The following ARHGAP6 variants were observed in gnomAD, a reference collection of about 807,000 sequenced individuals.
The protein encoded by ARHGAP6 is Rho GTPase activating protein 6, also known as rho GTPase-activating protein 6.
Under a neutral mutation model 55.7 loss-of-function variants are expected in ARHGAP6, and 16 were observed. The observed-to-expected ratio is 0.29, with a 90% CI of 0.19 to 0.44. The LOEUF (loss-of-function observed/expected upper bound fraction) is 0.44. Ranked by LOEUF, ARHGAP6 falls within the 20% of genes least tolerant of loss-of-function variation. The pLI, the probability that ARHGAP6 is intolerant of heterozygous loss-of-function variation, is 1.00. For synonymous variants in ARHGAP6, 382 were observed against 360.9 expected (o/e 1.06, Z -0.66); for missense variants, 698 against 808.9 (o/e 0.86, Z 1.66).
intron 1 of ARHGAP6, among the ~76,000 whole-genome samples, chrX:11,381,348 G>GTATTTAAGTA (rs1569322072): frequency 9.8e-5 from 11 of 112,288 alleles, no homozygotes; most frequent in African/African-American, 3.2e-4. Context: ...TTAAAATCTA[G>GTATTTAAGTA]TTCCATGGCT....
chrX:11,276,642 GCCATCTGCACTTAC>G (rs2047772595), intron 1 of ARHGAP6, among the ~76,000 whole-genome samples: 1 of 111,570 alleles, frequency 9.0e-6, no homozygotes. Context: ...GTGAAAACAA[GCCATCTGCACTTAC>G]TGGTTCACAT....
chrX:11,380,324 CA>C (rs1375777831), intron 1 of ARHGAP6, among the ~76,000 whole-genome samples: 1 of 111,810 alleles, frequency 8.9e-6, no homozygotes, highest in Non-Finnish European at 1.9e-5. Flanking sequence ...CCTAGATTTT[CA>C]GCTGGGTGTG....
chrX:11,647,919 A>G (rs1345740738), intron 1 of ARHGAP6, among the ~76,000 whole-genome samples: 1 of 112,256 alleles, frequency 8.9e-6, no homozygotes, highest in East Asian at 2.8e-4. Context: ...AGATTGGAGG[A>G]GACCAAGAAG....
At chrX:11,457,520 A>T (rs750873866) in intron 1 of ARHGAP6, among the ~76,000 whole-genome samples, 6 of 111,802 alleles carry the variant, frequency 5.4e-5, no homozygotes, top group Admixed American at 2.8e-4. Flanking sequence ...TTCACTAAAC[A>T]AATATTTTTG....
chrX:11,635,504 A>G (rs1177188398), intron 1 of ARHGAP6, among the ~76,000 whole-genome samples: 2 of 111,712 alleles, frequency 1.8e-5, no homozygotes, highest in Non-Finnish European at 3.8e-5. Context: ...GAATGCTACA[A>G]TTAAGATATT....
chrX:11,213,300 T>C (rs891269308), intron 2 of ARHGAP6, among the ~76,000 whole-genome samples: 1 of 112,879 alleles, frequency 8.9e-6, no homozygotes, highest in Non-Finnish European at 1.9e-5. Context: ...TGGATTGTGC[T>C]TTTATGTTTT....
chrX:11,283,589 A>T (rs2047886312), intron 1 of ARHGAP6, among the ~76,000 whole-genome samples: 1 of 112,429 alleles, frequency 8.9e-6, no homozygotes, highest in Non-Finnish European at 1.9e-5. Flanking sequence ...TGCTAATCAT[A>T]TGCTGTTAAA....
chrX:11,648,876 T>C (rs1232625383), intron 1 of ARHGAP6, among the ~76,000 whole-genome samples: 1 of 112,114 alleles, frequency 8.9e-6, no homozygotes. Context: ...GGCAGTTCTG[T>C]GCAAGCTCGG....
At chrX:11,557,429 G>T (rs2051331938) in intron 1 of ARHGAP6, among the ~76,000 whole-genome samples, 3 of 108,669 alleles carry the variant, frequency 2.8e-5, no homozygotes, top group Admixed American at 2.0e-4. Flanking sequence ...ACAATCCCTT[G>T]AATTTTAACC....
intron 1 of ARHGAP6, chrX:11,300,810 T>C: frequency 2.5e-6 from 1 of 403,093 alleles, no homozygotes; most frequent in Non-Finnish European, 4.4e-6. Flanking sequence ...TCATTTGAGA[T>C]GATATATTAT....
chrX:11,472,084 A>G lies in ARHGAP6; in HGVS notation c.588+192157T>C, dbSNP rs780343238. ...AAGGGTTAAGCACAGATTTGAGAATACAAAAGCAACAAATAAATAGGTTTC... is the reference window on the plus strand; with the variant it reads ...AAGGGTTAAGCACAGATTTGAGAATGCAAAAGCAACAAATAAATAGGTTTC... On this transcript the variant is annotated intron_variant, in intron 1 of 12. Coordinates refer to ENST00000337414, the MANE Select transcript of ARHGAP6 (RefSeq NM_013427.3). 4.5e-5 allele frequency among the ~76,000 whole-genome samples: 5 copies of G among 111,817 alleles called. No homozygotes were observed. In the South Asian group the frequency reaches 1.9e-3, roughly 42 times the overall value.
intron 1 of ARHGAP6, among the ~76,000 whole-genome samples, chrX:11,548,473 AT>A (rs1302252983): frequency 1.8e-5 from 2 of 111,111 alleles, no homozygotes; most frequent in East Asian, 5.6e-4. Flanking sequence ...TTGGCTCAAA[AT>A]TTTTTTAGCT....
chrX:11,318,784 C>G (rs755998661), intron 1 of ARHGAP6: 1 of 113,258 alleles, frequency 8.8e-6, no homozygotes, highest in South Asian at 3.6e-4. Flanking sequence ...TTGTTGGCTT[C>G]AAAATCCTGT....
intron 1 of ARHGAP6, among the ~76,000 whole-genome samples, chrX:11,572,288 T>C (rs997409762): frequency 4.5e-5 from 5 of 110,253 alleles, no homozygotes; most frequent in Admixed American, 3.9e-4. Context: ...GCCGTACCCA[T>C]TAACTCGTCA....
chrX:11,226,420 G>A (rs1270367534), intron 2 of ARHGAP6, among the ~76,000 whole-genome samples: 6 of 111,010 alleles, frequency 5.4e-5, no homozygotes, highest in Non-Finnish European at 9.4e-5. Context: ...GTTCCAAGTG[G>A]ACAGACCTTT....
At chrX:11,292,778 T>G (rs1354304150) in intron 1 of ARHGAP6, among the ~76,000 whole-genome samples, 1 of 112,498 alleles carries the variant, frequency 8.9e-6, no homozygotes, top group Non-Finnish European at 1.9e-5. Context: ...TGATTGTTTT[T>G]ACGGTAGATG....
At chrX:11,196,456 A>G (rs2046542927) in intron 3 of ARHGAP6, among the ~76,000 whole-genome samples, 1 of 110,866 alleles carries the variant, frequency 9.0e-6, no homozygotes, top group African/African-American at 3.3e-5. Context: ...TTGCAAATAA[A>G]TATTTTTCAA....
At chrX:11,238,706 T>C in intron 2 of ARHGAP6, among the ~76,000 whole-genome samples, 1 of 111,588 alleles carries the variant, frequency 9.0e-6, no homozygotes, top group East Asian at 2.8e-4. Flanking sequence ...CCCCTCCACT[T>C]TGTGAGAAAC....
At chrX:11,552,557 T>C (rs1445970399) in intron 1 of ARHGAP6, among the ~76,000 whole-genome samples, 2 of 13,250 alleles carry the variant, frequency 1.5e-4, no homozygotes, top group African/African-American at 3.0e-4. Context: ...AAATGTGCCA[T>C]ATATATATAT....
Sources: allele counts gnomAD v4.1 joint callset (sites outside exome capture counted in the v4.1 genomes callset), GRCh38; gene constraint gnomAD v4.1.1; transcripts MANE v1.5; gene names NCBI Gene and HGNC (gene_info 2026-07-23, HGNC 2026-07-21).